DNAJC5B: variants seen among roughly 807,000 people sequenced by gnomAD.
DNAJC5B encodes the protein dnaJ homolog subfamily C member 5B.
A neutral mutation model predicts 24.7 loss-of-function variants in DNAJC5B; 23 were observed. The observed-to-expected ratio is 0.93, with a 90% CI of 0.67 to 1.32. The LOEUF is 1.32. DNAJC5B is among the 40% of genes most tolerant of loss of function. The pLI, the probability that DNAJC5B is intolerant of heterozygous loss-of-function variation, is 0.00. For synonymous variants in DNAJC5B, 101 were observed against 90.1 expected (o/e 1.12, Z -0.68); for missense variants, 238 against 240.8 (o/e 0.99, Z 0.08).
intron 2 of DNAJC5B, among the ~76,000 whole-genome samples, chr8:66,048,915 A>G (rs780635301): frequency 2.6e-5 from 4 of 152,194 alleles, no homozygotes; most frequent in Non-Finnish European, 5.9e-5. Flanking sequence ...TGCCAAGCAC[A>G]AAGCGAGGCC....
chr8:66,073,260 T>C (rs1224146480), intron 3 of DNAJC5B, among the ~76,000 whole-genome samples: 1 of 152,060 alleles, frequency 6.6e-6, no homozygotes, highest in South Asian at 2.1e-4. Flanking sequence ...CAATAAATAA[T>C]TAGGAACATT....
chr8:66,027,901 T>C (rs1287083185), intron 1 of DNAJC5B, among the ~76,000 whole-genome samples: 2 of 152,228 alleles, frequency 1.3e-5, no homozygotes, highest in Non-Finnish European at 2.9e-5. Flanking sequence ...CACCTGGGAC[T>C]GTACTAGGCA....
chr8:66,071,286 T>C (rs1807342048), intron 3 of DNAJC5B, among the ~76,000 whole-genome samples: 1 of 152,180 alleles, frequency 6.6e-6, no homozygotes, highest in Non-Finnish European at 1.5e-5. Flanking sequence ...GAGAAAATTT[T>C]TTGCAATCTA....
intron 3 of DNAJC5B, among the ~76,000 whole-genome samples, chr8:66,060,300 A>G (rs961822269): frequency 1.3e-5 from 2 of 152,164 alleles, no homozygotes; most frequent in Admixed American, 6.5e-5. Context: ...AAGATTCTAC[A>G]GTTCCCTCCC....
intron 1 of DNAJC5B, among the ~76,000 whole-genome samples, chr8:66,031,885 C>G (rs1806368064): frequency 6.6e-6 from 1 of 152,140 alleles, no homozygotes; most frequent in Admixed American, 6.5e-5. Flanking sequence ...CATGTTTGAC[C>G]AAATATCTGG....
At chr8:66,080,628 C>G in intron 5 of DNAJC5B, 80 bp downstream of exon 5, 1 of 1,307,486 alleles carries the variant, frequency 7.6e-7, no homozygotes, top group Non-Finnish European at 1.0e-6. Flanking sequence ...GGACAGCTAT[C>G]ACTATAGTAG....
intron 1 of DNAJC5B, among the ~76,000 whole-genome samples, chr8:66,023,925 T>G (rs565313176): frequency 3.9e-4 from 60 of 152,278 alleles, no homozygotes; most frequent in African/African-American, 1.3e-3. Flanking sequence ...GTAGTCAGCG[T>G]TTTTCCAATT....
Position 66,100,811 on chromosome 8 carries a change from A to G in DNAJC5B, c.*780A>G, listed in dbSNP as rs1393701619. ...CAGACTAAGGGAAAAAAAACAGATG[A>G]AGGGGTAGAACTCTATACTCTAGAG... On this transcript the variant is annotated 3_prime_UTR_variant, in exon 6 of 6. Transcript: ENST00000276570. Among the ~76,000 whole-genome samples the G allele has an allele frequency of 6.6e-6, 1 of 152,184 alleles. No individual in the cohort carries two copies.
intron 5 of DNAJC5B, among the ~76,000 whole-genome samples, chr8:66,088,597 C>T (rs553165787): frequency 3.3e-5 from 5 of 152,292 alleles, no homozygotes; most frequent in South Asian, 2.1e-4. Context: ...TTTGTGAACA[C>T]ATATAACTGA....
chr8:66,093,630 C>CATTGATTATGTTT (rs1280975774), intron 5 of DNAJC5B, among the ~76,000 whole-genome samples: 1 of 152,086 alleles, frequency 6.6e-6, no homozygotes, highest in Non-Finnish European at 1.5e-5. Context: ...ATTGATTCTT[C>CATTGATTATGTTT]ATTGATTATG....
At chr8:66,052,118 A>ATTT (rs748199400) in intron 3 of DNAJC5B, among the ~76,000 whole-genome samples, 1 of 136,306 alleles carries the variant, frequency 7.3e-6, no homozygotes, top group Non-Finnish European at 1.6e-5. Context: ...CACCCAGCTA[A>ATTT]TTTTTTTTTT....
chr8:66,021,750 G>A (rs1030938313), intron 1 of DNAJC5B, 45 bp downstream of exon 1: 42 of 152,340 alleles, frequency 2.8e-4, no homozygotes, highest in African/African-American at 9.9e-4. Context: ...AAGCACAGAC[G>A]GCTTGTGCCC....
At chr8:66,066,736 A>T (rs1807204510) in intron 3 of DNAJC5B, among the ~76,000 whole-genome samples, 1 of 152,172 alleles carries the variant, frequency 6.6e-6, no homozygotes, top group Middle Eastern at 3.4e-3. Flanking sequence ...GGAGGGTAGA[A>T]GGGGGTGAAG....
At chr8:66,019,118 T>C (rs555097327), upstream of DNAJC5B, among the ~76,000 whole-genome samples, 1 of 152,310 alleles carries the variant, frequency 6.6e-6, no homozygotes, top group East Asian at 1.9e-4. Context: ...GTATTGAGTA[T>C]GCTCAGCCAA....
chr8:66,083,932 G>T (rs1586111846), intron 5 of DNAJC5B, among the ~76,000 whole-genome samples: 1 of 152,156 alleles, frequency 6.6e-6, no homozygotes, highest in Non-Finnish European at 1.5e-5. Context: ...CAAAATATCT[G>T]TCTTTTGCAA....
At chr8:66,032,203 C>T (rs1806374125) in intron 1 of DNAJC5B, among the ~76,000 whole-genome samples, 3 of 152,230 alleles carry the variant, frequency 2.0e-5, no homozygotes, top group Non-Finnish European at 4.4e-5. Flanking sequence ...CCACTGCCTC[C>T]CAGCACTGGT....
chr8:66,062,381 T>G (rs1008355916), intron 3 of DNAJC5B, among the ~76,000 whole-genome samples: 2 of 152,154 alleles, frequency 1.3e-5, no homozygotes, highest in African/African-American at 4.8e-5. Context: ...TTCTGGGACC[T>G]TCAAGTGAAA....
At chr8:66,046,712 A>G (rs1479947952) in intron 2 of DNAJC5B, among the ~76,000 whole-genome samples, 1 of 152,238 alleles carries the variant, frequency 6.6e-6, no homozygotes, top group Non-Finnish European at 1.5e-5. Flanking sequence ...CTTGTCTTCT[A>G]AAGACTTCAT....
intron 3 of DNAJC5B, among the ~76,000 whole-genome samples, chr8:66,059,483 T>C (rs1807034850): frequency 6.6e-6 from 1 of 151,964 alleles, no homozygotes; most frequent in African/African-American, 2.4e-5. Context: ...AGTGTAGGAG[T>C]TGAGGAGGAG....
Sources: allele counts gnomAD v4.1 joint callset (sites outside exome capture counted in the v4.1 genomes callset), GRCh38; gene constraint gnomAD v4.1.1; transcripts MANE v1.5; gene names NCBI Gene and HGNC (gene_info 2026-07-23, HGNC 2026-07-21).